Variants in BRD3OS observed in about 807,000 individuals in gnomAD.
The protein encoded by BRD3OS is BRD3 opposite strand.
chr9:134,027,078 ATTTCCAATCC>A lies in BRD3OS; in HGVS notation c.*79_*88del, dbSNP rs1843438565. 5.0e-6 allele frequency: 2 copies of A among 398,164 alleles called. No individual in the cohort carries two copies. The highest frequency in any genetic ancestry group is 8.9e-6 in the Non-Finnish European group (2 of 225,984). 24.7% of individuals were successfully genotyped at this position (398,164 alleles called of 1,614,324 possible). On this transcript the variant is annotated 3_prime_UTR_variant, in exon 3 of 3. Coordinates refer to ENST00000603928, the MANE Select transcript of BRD3OS (RefSeq NM_001355256.2). ...TGAGTTTCATTCAGTTGTCTTGTTG[ATTTCCAATCC>A]TTGCTGGAAGATTTTGAATAATGAA...
Position 134,027,683 on chromosome 9 carries a change from T to A in BRD3OS, c.*681T>A, listed in dbSNP as rs1170658820. On this transcript the variant is annotated 3_prime_UTR_variant, in exon 3 of 3. Transcript: ENST00000603928. ...CTCAAGCCTCCCAGAGTGCTGGGAT[T>A]ACAGGCATGGGTCACCGCACCAAGC... is the stretch of plus-strand genomic sequence containing the variant. 6.6e-6 allele frequency: 1 copy of A among 152,224 alleles called. No individual in the cohort carries two copies. Among genetic ancestry groups the A allele is most frequent in the African/African-American group, 2.4e-5 (1 of 41,446 alleles). The allele number at this position is 152,224 out of a possible 1,614,324, so 9.4% of individuals were successfully genotyped here. A position where few individuals can be genotyped will look rare whatever the true frequency, so the allele number is the denominator to read the frequency against.
chr9:134,026,456 C>T lies in BRD3OS; in HGVS notation c.-292C>T, dbSNP rs1843429990. ...CCAGGGTGTGACGCCTCGTCCCTGT[C>T]AATTCCACACAGCTGCACCCGGAAG... On this transcript the variant is annotated 5_prime_UTR_variant, in exon 3 of 3. Transcript: ENST00000603928. This position sits in a 1 kb window ranked among gnomAD's most constrained non-coding sequence, Gnocchi z 4.4. 8.1e-6 allele frequency: 2 copies of T among 246,544 alleles called. No individual in the cohort carries two copies. The highest frequency in any genetic ancestry group is 3.5e-4 in the South Asian group (2 of 5,634). 15.3% of individuals were successfully genotyped at this position (246,544 alleles called of 1,614,324 possible). A position where few individuals can be genotyped will look rare whatever the true frequency, so the allele number is the denominator to read the frequency against.
Position 134,027,035 on chromosome 9 carries a change from CTT to C in BRD3OS, c.*35_*36del, listed in dbSNP as rs1353622239. 5 of 398,804 alleles carry C rather than the reference CTT, an allele frequency of 1.3e-5. No homozygotes were observed. 24.7% of individuals were successfully genotyped at this position (398,804 alleles called of 1,614,324 possible). A position where few individuals can be genotyped will look rare whatever the true frequency, so the allele number is the denominator to read the frequency against. On this transcript the variant is annotated 3_prime_UTR_variant, in exon 3 of 3. Transcript: ENST00000603928. ...GTGAGCACCTGAACCCAGGACCACACTTTGAGGAAAACAGACCTGAGTTTCAT... is the reference window on the plus strand; with the variant it reads ...GTGAGCACCTGAACCCAGGACCACACTGAGGAAAACAGACCTGAGTTTCAT...
rs1843418987 is a variant in BRD3OS, at chr9:134,025,511, C to G, written c.-812C>G. On this transcript the variant is annotated 5_prime_UTR_variant, in exon 1 of 3. Transcript: ENST00000603928. The stretch of plus-strand genomic sequence containing the variant: ...CCCCGCAGTGCGTCGCGCCGCTGCC[C>G]GCATCTCCGAGGCCCGCGACGAGCG... 1 of 152,014 alleles carries G rather than the reference C, an allele frequency of 6.6e-6. No individual in the cohort carries two copies. Among genetic ancestry groups the G allele is most frequent in the African/African-American group, 2.4e-5 (1 of 41,440 alleles). The allele number at this position is 152,014 out of a possible 1,614,324, so 9.4% of individuals were successfully genotyped here.
In BRD3OS at chr9:134,026,007, C is replaced by T. The variant is rs1052856000; in HGVS notation, c.-624C>T. On this transcript the variant is annotated 5_prime_UTR_variant, in exon 2 of 3. Coordinates refer to ENST00000603928, the MANE Select transcript of BRD3OS (RefSeq NM_001355256.2). This position sits in a 1 kb window ranked among gnomAD's most constrained non-coding sequence, Gnocchi z 4.4. ...ACCCTGAAGCCCCAACAAGCAGCCT[C>T]CCCAGCACCTCCCAGTGACTGAAAA... 1 of 152,376 alleles carries T rather than the reference C, an allele frequency of 6.6e-6. No individual in the cohort carries two copies. The allele number at this position is 152,376 out of a possible 1,614,324, so 9.4% of individuals were successfully genotyped here. A position where few individuals can be genotyped will look rare whatever the true frequency, so the allele number is the denominator to read the frequency against.
chr9:134,027,830 A>C lies in BRD3OS; in HGVS notation c.*828A>C, dbSNP rs1283858515. ...CACATTCAGGAAACCCGAGAGTTGT[A>C]AGTTGCACATGTGTGGCCTACAGTG... is the stretch of plus-strand genomic sequence containing the variant. On this transcript the variant is annotated 3_prime_UTR_variant, in exon 3 of 3. Coordinates refer to ENST00000603928, the MANE Select transcript of BRD3OS (RefSeq NM_001355256.2). 3.9e-5 allele frequency: 6 copies of C among 152,256 alleles called. No homozygotes were observed. Among genetic ancestry groups the C allele is most frequent in the Non-Finnish European group, 8.8e-5 (6 of 68,044 alleles). The allele number at this position is 152,256 out of a possible 1,614,324, so 9.4% of individuals were successfully genotyped here.
rs1843438532 is a variant in BRD3OS, at chr9:134,027,077, GA to G, written c.*76del. The G allele has an allele frequency of 2.5e-6, 1 of 398,118 alleles. No individual in the cohort carries two copies. The highest frequency in any genetic ancestry group is 1.3e-4 in the South Asian group (1 of 7,494). The allele number at this position is 398,118 out of a possible 1,614,324, so 24.7% of individuals were successfully genotyped here. A position where few individuals can be genotyped will look rare whatever the true frequency, so the allele number is the denominator to read the frequency against. Reference sequence around the variant, plus strand: ...CTGAGTTTCATTCAGTTGTCTTGTTGATTTCCAATCCTTGCTGGAAGATTTT... The same window carrying G: ...CTGAGTTTCATTCAGTTGTCTTGTTGTTTCCAATCCTTGCTGGAAGATTTT... On this transcript the variant is annotated 3_prime_UTR_variant, in exon 3 of 3. Coordinates refer to ENST00000603928, the MANE Select transcript of BRD3OS (RefSeq NM_001355256.2).
At position 134,029,638 on chromosome 9, in the gene BRD3OS, C is replaced by T. The variant is rs758570006; in HGVS notation, c.*2636C>T. The T allele has an allele frequency of 2.6e-5, 4 of 152,300 alleles. 1 individual carries two copies. The highest frequency in any genetic ancestry group is 4.8e-5 in the African/African-American group (2 of 41,470). 9.4% of individuals were successfully genotyped at this position (152,300 alleles called of 1,614,324 possible). On this transcript the variant is annotated 3_prime_UTR_variant, in exon 3 of 3. Transcript: ENST00000603928. ...CCAGAGCTGTCATTCTTCGGCGAGC[C>T]GCGCTGCACGCCAGCCTCCAGTCTG...
In BRD3OS at chr9:134,031,379, CCCTGTGCTGGCAGCA is replaced by C. The variant is rs1843510269; in HGVS notation, c.*4379_*4393del. 1 of 208,460 alleles carries C rather than the reference CCCTGTGCTGGCAGCA, an allele frequency of 4.8e-6. No individual in the cohort carries two copies. The highest frequency in any genetic ancestry group is 9.8e-6 in the Non-Finnish European group (1 of 102,434). 12.9% of individuals were successfully genotyped at this position (208,460 alleles called of 1,614,324 possible). Reference sequence around the variant, plus strand: ...GGCTTAGGGTGTACGTATCACCCAGCCCTGTGCTGGCAGCACGTTACCAACCAGCCTGCGTGAAGA... The same window carrying C: ...GGCTTAGGGTGTACGTATCACCCAGCCGTTACCAACCAGCCTGCGTGAAGA... On this transcript the variant is annotated 3_prime_UTR_variant, in exon 3 of 3. Transcript: ENST00000603928.
At position 134,026,841 on chromosome 9, in the gene BRD3OS, C is replaced by G. The variant is rs2132357672; in HGVS notation, c.94C>G (p.Gln32Glu). The change falls in exon 3 of 3, where the codon CAA (glutamine) becomes GAA (glutamate). Residue 32 changes from glutamine (Q) to glutamate (E), a missense_variant. Gln to Glu is a conservative substitution (Grantham distance 29). Transcript: ENST00000603928. The surrounding 1 kb of genome is among the most constrained non-coding windows in gnomAD (Gnocchi z 4.4). ...CACCTCCTTGCTCATCTGGCAGCAG[C>G]AACAGCAGAAGTTGGAGTCGGTGCC... ...RDTSLLIWQQ[Q>E]QQKLESVPPG... 2.5e-6 allele frequency: 1 copy of G among 398,972 alleles called. No individual in the cohort carries two copies. Among genetic ancestry groups the G allele is most frequent in the East Asian group, 3.6e-5 (1 of 28,078 alleles). The allele number at this position is 398,972 out of a possible 1,614,324, so 24.7% of individuals were successfully genotyped here.
chr9:134,031,476 T>A lies in BRD3OS; in HGVS notation c.*4474T>A. On this transcript the variant is annotated 3_prime_UTR_variant, in exon 3 of 3. Coordinates refer to ENST00000603928, the MANE Select transcript of BRD3OS (RefSeq NM_001355256.2). ...TTCGGTTTAAATAGTCCATTAAAGA[T>A]CTGTTTAGAAAATACCTTTGAAAAC... The A allele has an allele frequency of 5.0e-6, 1 of 198,184 alleles. No individual in the cohort carries two copies. The highest frequency in any genetic ancestry group is 1.0e-5 in the Non-Finnish European group (1 of 98,450). The allele number at this position is 198,184 out of a possible 1,614,324, so 12.3% of individuals were successfully genotyped here.
Position 134,031,223 on chromosome 9 carries a change from A to C in BRD3OS, c.*4221A>C, listed in dbSNP as rs1284365656. 1.8e-5 allele frequency: 4 copies of C among 216,864 alleles called. No individual in the cohort carries two copies. Among genetic ancestry groups the C allele is most frequent in the Non-Finnish European group, 3.7e-5 (4 of 107,834 alleles). The allele number at this position is 216,864 out of a possible 1,614,324, so 13.4% of individuals were successfully genotyped here. On this transcript the variant is annotated 3_prime_UTR_variant, in exon 3 of 3. Transcript: ENST00000603928. ...TCACAGAGAACCAGCCGAGAAGGAA[A>C]GGCCCCACGATGCTCCTGCTGCGCT...
rs1843440096 is a variant in BRD3OS at position 134,027,185 on chromosome 9, CGGT to C, written c.*185_*187del. 1 of 375,364 alleles carries C rather than the reference CGGT, an allele frequency of 2.7e-6. No homozygotes were observed. The highest frequency in any genetic ancestry group is 3.8e-5 in the East Asian group (1 of 26,352). 23.3% of individuals were successfully genotyped at this position (375,364 alleles called of 1,614,324 possible). On this transcript the variant is annotated 3_prime_UTR_variant, in exon 3 of 3. Transcript: ENST00000603928. ...GCCCCCGAACCCCTCAGCACAGCCG[CGGT>C]GTGACTGGTGCACAGGACACTTCCC... is the stretch of plus-strand genomic sequence containing the variant.
At chr9:134,025,607 C>T (rs1326876233) in intron 1 of BRD3OS, 71 bp downstream of exon 1, 2 of 152,084 alleles carry the variant, frequency 1.3e-5, no homozygotes, top group Non-Finnish European at 2.9e-5. Flanking sequence ...GATGGGGCGA[C>T]CCAGAGCGCG....
Position 134,031,293 on chromosome 9 carries a change from C to G in BRD3OS, c.*4291C>G, listed in dbSNP as rs957896618. 9.6e-6 allele frequency: 2 copies of G among 209,166 alleles called. No individual in the cohort carries two copies. Among genetic ancestry groups the G allele is most frequent in the Non-Finnish European group, 1.9e-5 (2 of 102,848 alleles). 13.0% of individuals were successfully genotyped at this position (209,166 alleles called of 1,614,324 possible). The stretch of plus-strand genomic sequence containing the variant: ...CCCCCGACGGCTCACACAGGCAGCA[C>G]CTCACTGCCCTGTGGCTGGAGGGGC... On this transcript the variant is annotated 3_prime_UTR_variant, in exon 3 of 3. Coordinates refer to ENST00000603928, the MANE Select transcript of BRD3OS (RefSeq NM_001355256.2).
Position 134,027,045 on chromosome 9 carries a change from A to G in BRD3OS, c.*43A>G. Reference sequence around the variant, plus strand: ...GAACCCAGGACCACACTTTGAGGAAAACAGACCTGAGTTTCATTCAGTTGT... The same window carrying G: ...GAACCCAGGACCACACTTTGAGGAAGACAGACCTGAGTTTCATTCAGTTGT... On this transcript the variant is annotated 3_prime_UTR_variant, in exon 3 of 3. Coordinates refer to ENST00000603928, the MANE Select transcript of BRD3OS (RefSeq NM_001355256.2). 5.0e-6 allele frequency: 2 copies of G among 398,760 alleles called. No homozygotes were observed. The highest frequency in any genetic ancestry group is 8.8e-6 in the Non-Finnish European group (2 of 226,030). 24.7% of individuals were successfully genotyped at this position (398,760 alleles called of 1,614,324 possible).
rs1843469920 is a variant in BRD3OS, at chr9:134,028,903, G to C, written c.*1901G>C. The C allele has an allele frequency of 6.6e-6, 1 of 152,266 alleles. No homozygotes were observed. Among genetic ancestry groups the C allele is most frequent in the Admixed American group, 6.5e-5 (1 of 15,296 alleles). The allele number at this position is 152,266 out of a possible 1,614,324, so 9.4% of individuals were successfully genotyped here. A position where few individuals can be genotyped will look rare whatever the true frequency, so the allele number is the denominator to read the frequency against. ...GCATTCCCCAAATGTCCTGCCAGAG[G>C]CCTGGTCGGCAGCAGCCTCCTGCAC... On this transcript the variant is annotated 3_prime_UTR_variant, in exon 3 of 3. Transcript: ENST00000603928.
chr9:134,030,886 A>C lies in BRD3OS; in HGVS notation c.*3884A>C, dbSNP rs936140349. 1.3e-5 allele frequency: 3 copies of C among 231,116 alleles called. No individual in the cohort carries two copies. Among genetic ancestry groups the C allele is most frequent in the Non-Finnish European group, 1.7e-5 (2 of 117,144 alleles). 14.3% of individuals were successfully genotyped at this position (231,116 alleles called of 1,614,324 possible). ...CAATTCCGACACACGACTTGTCACT[A>C]CTCCTCTCCCCTTGAAAAAAGCATG... On this transcript the variant is annotated 3_prime_UTR_variant, in exon 3 of 3. Coordinates refer to ENST00000603928, the MANE Select transcript of BRD3OS (RefSeq NM_001355256.2).
In BRD3OS at chr9:134,030,453, A is replaced by G. The variant is rs1462626319; in HGVS notation, c.*3451A>G. Reference sequence around the variant, plus strand: ...GCCAGCATTGCAATAAACAAGCTAAACTACTTACATTGGACTCATTTTCAG... The same window carrying G: ...GCCAGCATTGCAATAAACAAGCTAAGCTACTTACATTGGACTCATTTTCAG... On this transcript the variant is annotated 3_prime_UTR_variant, in exon 3 of 3. Transcript: ENST00000603928. 5.0e-6 allele frequency: 1 copy of G among 198,676 alleles called. No individual in the cohort carries two copies. The highest frequency in any genetic ancestry group is 1.0e-5 in the Non-Finnish European group (1 of 96,324). 12.3% of individuals were successfully genotyped at this position (198,676 alleles called of 1,614,324 possible).
Sources: allele counts gnomAD v4.1 joint callset, GRCh38; gene constraint gnomAD v4.1.1; non-coding constraint Gnocchi (gnomAD v3.1); transcripts MANE v1.5; gene names NCBI Gene and HGNC (gene_info 2026-07-23, HGNC 2026-07-21).